Variants in SHROOM2 observed in about 807,000 individuals in gnomAD.
SHROOM2 encodes protein Shroom2.
In SHROOM2, 33 loss-of-function variants were observed where a neutral mutation model predicts 75.9. That is an observed-to-expected ratio of 0.43 (90% CI 0.33 to 0.58). The LOEUF is 0.58. Ranked by LOEUF, SHROOM2 falls within the 20% of genes least tolerant of loss-of-function variation. The pLI, the probability that SHROOM2 is intolerant of heterozygous loss-of-function variation, is 0.04. For synonymous variants in SHROOM2, 655 were observed against 663.6 expected, an observed-to-expected ratio of 0.99 and a Z score of 0.20; for missense variants, 1,434 against 1,461.2, an observed-to-expected ratio of 0.98 and a Z score of 0.30.
intron 1 of SHROOM2, among the ~76,000 whole-genome samples, chrX:9,794,191 C>A: frequency 9.0e-6 from 1 of 111,488 alleles, no homozygotes; most frequent in Non-Finnish European, 1.9e-5. Context: ...TGGGGGAGAA[C>A]AATTGTTCTG....
intron 5 of SHROOM2, among the ~76,000 whole-genome samples, chrX:9,925,532 C>T (rs181169776): frequency 3.6e-5 from 4 of 112,400 alleles, no homozygotes; most frequent in East Asian, 2.8e-4. Flanking sequence ...AGTTACTGAG[C>T]GTTCCACGTT....
chrX:9,932,315 G>A lies in SHROOM2; in HGVS notation c.3032G>A (p.Arg1011Gln), dbSNP rs148190447. ...APELPREGRG[R>Q]AGTLPRDYRY... Reference sequence around the variant, plus strand: ...GAGCTGCCCCGGGAGGGCCGGGGCCGAGCGGGAACCCTACCTCGAGATTAT... The same window carrying A: ...GAGCTGCCCCGGGAGGGCCGGGGCCAAGCGGGAACCCTACCTCGAGATTAT... The change falls in exon 6 of 10, where the codon CGA becomes CAA. Residue 1011 changes from arginine to glutamine, a missense_variant. By Grantham distance (43) the Arg-to-Gln change is conservative (BLOSUM62 1). Coordinates refer to ENST00000380913, the MANE Select transcript of SHROOM2 (RefSeq NM_001649.4). 720 of 1,205,910 alleles carry A rather than the reference G, an allele frequency of 6.0e-4. 2 individuals are homozygous for A. The highest frequency in any genetic ancestry group is 1.8e-3 in the South Asian group (103 of 56,415).
At chrX:9,813,884 T>C (rs2083804930) in intron 1 of SHROOM2, among the ~76,000 whole-genome samples, 1 of 112,025 alleles carries the variant, frequency 8.9e-6, no homozygotes, top group African/African-American at 3.2e-5. Flanking sequence ...CCTTTGACGG[T>C]TGAGTGTCAT....
At chrX:9,924,853 G>A (rs1260520795) in intron 5 of SHROOM2, among the ~76,000 whole-genome samples, 1 of 109,684 alleles carries the variant, frequency 9.1e-6, no homozygotes, top group Admixed American at 9.8e-5. Flanking sequence ...TTTATTTTTT[G>A]TAGAGACTGG....
At chrX:9,824,753 C>T (rs912377741) in intron 1 of SHROOM2, among the ~76,000 whole-genome samples, 1 of 111,785 alleles carries the variant, frequency 8.9e-6, no homozygotes, top group African/African-American at 3.3e-5. Flanking sequence ...GACACACAAC[C>T]GGCACACAAC....
At chrX:9,929,631 A>G (rs1168546379) in intron 5 of SHROOM2, among the ~76,000 whole-genome samples, 1 of 111,861 alleles carries the variant, frequency 8.9e-6, no homozygotes, top group African/African-American at 3.3e-5. Context: ...ACTTCTGCAG[A>G]AGGCACTTTG....
At chrX:9,920,457 G>A (rs1174954232) in intron 5 of SHROOM2, among the ~76,000 whole-genome samples, 1 of 112,118 alleles carries the variant, frequency 8.9e-6, no homozygotes, top group Non-Finnish European at 1.9e-5. Flanking sequence ...TACATTGCTT[G>A]TTACCTCTGC....
chrX:9,860,462 C>T (rs1601950291), intron 1 of SHROOM2, among the ~76,000 whole-genome samples: 1 of 111,410 alleles, frequency 9.0e-6, no homozygotes. Context: ...CTCACTCTGT[C>T]ACCCAGGCTG....
intron 1 of SHROOM2, among the ~76,000 whole-genome samples, chrX:9,858,938 G>T (rs549050267): frequency 2.8e-3 from 316 of 111,853 alleles, no homozygotes; most frequent in African/African-American, 9.9e-3. Context: ...TTGAGGCCGG[G>T]CGCGGTGGCT....
chrX:9,878,653 G>C (rs2084214360), intron 2 of SHROOM2, among the ~76,000 whole-genome samples: 2 of 111,907 alleles, frequency 1.8e-5, no homozygotes, highest in East Asian at 5.6e-4. Context: ...GATTAGCACA[G>C]ATGTTCCGGG....
At chrX:9,918,716 C>T (rs113664618) in intron 5 of SHROOM2, among the ~76,000 whole-genome samples, 11,869 of 111,046 alleles carry the variant, frequency 0.11, 1,086 homozygotes, top group African/African-American at 0.3. Flanking sequence ...TCTCAAACTC[C>T]GGGCCTCAAG....
At chrX:9,849,096 T>C (rs1305174781) in intron 1 of SHROOM2, among the ~76,000 whole-genome samples, 1 of 111,910 alleles carries the variant, frequency 8.9e-6, no homozygotes, top group Non-Finnish European at 1.9e-5. Flanking sequence ...CTGTGGCCTA[T>C]CTGGGAATCT....
chrX:9,826,778 T>C (rs2083889574), intron 1 of SHROOM2, among the ~76,000 whole-genome samples: 1 of 111,675 alleles, frequency 9.0e-6, no homozygotes, highest in Non-Finnish European at 1.9e-5. Context: ...CCTGTCTCCA[T>C]AAAAAAGAAA....
chrX:9,923,022 T>A (rs1034333920), intron 5 of SHROOM2, among the ~76,000 whole-genome samples: 1 of 111,948 alleles, frequency 8.9e-6, no homozygotes. Flanking sequence ...AACCCGCGTG[T>A]CTGTAATTGC....
At chrX:9,858,529 C>T (rs1030545266) in intron 1 of SHROOM2, among the ~76,000 whole-genome samples, 3 of 112,724 alleles carry the variant, frequency 2.7e-5, no homozygotes, top group Non-Finnish European at 5.6e-5. Flanking sequence ...AGGCCGCGCA[C>T]GGTGGCTCAT....
intron 1 of SHROOM2, among the ~76,000 whole-genome samples, chrX:9,823,653 A>G (rs934366845): frequency 6.3e-5 from 7 of 111,530 alleles, no homozygotes; most frequent in African/African-American, 2.3e-4. Context: ...GGCAGGATCT[A>G]TACGAAGTCA....
intron 1 of SHROOM2, among the ~76,000 whole-genome samples, chrX:9,871,304 C>T (rs2146794380): frequency 8.9e-6 from 1 of 112,185 alleles, no homozygotes; most frequent in African/African-American, 3.2e-5. Flanking sequence ...TTAGCAGTGA[C>T]CTAGAGAAAC....
Position 9,946,745 on chromosome X carries a change from C to A in SHROOM2, c.4659C>A (p.Asp1553Glu), listed in dbSNP as rs746123407. ...CCAAGGAGCTCAAGGAGAACCTGGA[C>A]CGCCGCGAGCGCATCGTCTTTGACA... ...EDAKELKENL[D>E]RRERIVFDIL... is the part of the protein sequence containing the mutation. The change falls in exon 10 of 10, where the codon GAC becomes GAA. Residue 1553 changes from aspartate to glutamate, a missense_variant. Asp to Glu is a conservative substitution (Grantham distance 45). This residue lies in a region of SHROOM2 where 80 missense variants were observed against 88.4 expected (regional missense o/e 0.90). Transcript: ENST00000380913. 2 of 1,204,245 alleles carry A rather than the reference C, an allele frequency of 1.7e-6. No individual in the cohort carries two copies. The highest frequency in any genetic ancestry group is 4.4e-5 in the Admixed American group (2 of 45,216).
chrX:9,914,335 G>A (rs916471347), intron 5 of SHROOM2, among the ~76,000 whole-genome samples: 13 of 109,557 alleles, frequency 1.2e-4, no homozygotes, highest in Admixed American at 5.0e-4. Context: ...TCCAGAGTCC[G>A]CCTTTGGATT....
Sources: gnomAD v4.1 joint callset for allele counts (sites outside exome capture counted in the v4.1 genomes callset) on GRCh38, gnomAD v4.1.1 for gene constraint, gnomAD v4.1.1 regional missense constraint, MANE v1.5 for transcripts, NCBI Gene and HGNC (gene_info 2026-07-23, HGNC 2026-07-21) for gene names.